The following ZFR variants were observed in gnomAD, a reference collection of about 807,000 sequenced individuals.
The protein encoded by ZFR is zinc finger RNA binding protein, also known as zinc finger RNA-binding protein.
ZFR carries 19 observed loss-of-function variants against 130.7 expected under a neutral mutation model. The ratio of observed to expected loss-of-function variants is 0.15; its 90% CI spans 0.10 to 0.21. ZFR has a LOEUF of 0.21. ZFR is among the 10% of genes least tolerant of loss of function. ZFR has a pLI of 1.00. For missense variants in ZFR, 872 were observed against 1,321.5 expected, an observed-to-expected ratio of 0.66 and a Z score of 5.27; for synonymous variants, 466 against 456.9, an observed-to-expected ratio of 1.02 and a Z score of -0.25.
intron 8 of ZFR, among the ~76,000 whole-genome samples, chr5:32,401,481 GACGTTTA>G (rs1347145814): frequency 1.3e-5 from 2 of 152,140 alleles, no homozygotes; most frequent in Non-Finnish European, 2.9e-5. Flanking sequence ...AGAAAAGAAT[GACGTTTA>G]AAAAGAAAAA....
chr5:32,438,022 A>G (rs751590025), intron 2 of ZFR, among the ~76,000 whole-genome samples: 17 of 152,088 alleles, frequency 1.1e-4, no homozygotes, highest in Admixed American at 3.3e-4. Flanking sequence ...TATATAGGAG[A>G]TAATAATTTG....
At chr5:32,390,935 G>T (rs1002819377) in intron 11 of ZFR, among the ~76,000 whole-genome samples, 21 of 152,186 alleles carry the variant, frequency 1.4e-4, no homozygotes, top group African/African-American at 4.8e-4. Flanking sequence ...TTATGGTAAA[G>T]AACTTGTCCT....
At chr5:32,394,643 T>C (rs1753257762) in intron 11 of ZFR, among the ~76,000 whole-genome samples, 1 of 152,208 alleles carries the variant, frequency 6.6e-6, no homozygotes, top group Non-Finnish European at 1.5e-5. Flanking sequence ...TCTAAATTGA[T>C]TGTGGTGATT....
intron 3 of ZFR, among the ~76,000 whole-genome samples, chr5:32,419,212 CTT>C (rs1162814618): frequency 1.3e-5 from 2 of 152,100 alleles, no homozygotes; most frequent in African/African-American, 2.4e-5. Context: ...AACAAACAAA[CTT>C]GGGGTAAACA....
At chr5:32,419,181 T>C (rs1753898933) in intron 3 of ZFR, among the ~76,000 whole-genome samples, 1 of 152,240 alleles carries the variant, frequency 6.6e-6, no homozygotes, top group Non-Finnish European at 1.5e-5. Flanking sequence ...CTTTTCTATG[T>C]CTTCAGTTAA....
chr5:32,417,314 A>C (rs769706792), intron 4 of ZFR, among the ~76,000 whole-genome samples: 36 of 152,182 alleles, frequency 2.4e-4, no homozygotes, highest in Non-Finnish European at 4.0e-4. Context: ...TCCACTGGTT[A>C]CAAAGGCTGT....
intron 2 of ZFR, among the ~76,000 whole-genome samples, chr5:32,433,206 C>T (rs1026769571): frequency 2.0e-5 from 3 of 152,082 alleles, no homozygotes; most frequent in South Asian, 4.1e-4. Context: ...TTCCCATCTG[C>T]GTCCACTGGA....
intron 11 of ZFR, among the ~76,000 whole-genome samples, chr5:32,391,525 CTTT>C (rs34370191): frequency 1.1e-3 from 142 of 134,124 alleles, no homozygotes; most frequent in Non-Finnish European, 1.1e-3. Flanking sequence ...GAAATCTACT[CTTT>C]TTTTTTTTTT....
At chr5:32,401,484 G>A (rs539503527) in intron 8 of ZFR, among the ~76,000 whole-genome samples, 4 of 152,072 alleles carry the variant, frequency 2.6e-5, no homozygotes, top group Non-Finnish European at 5.9e-5. Flanking sequence ...AAAGAATGAC[G>A]TTTAAAAAGA....
At chr5:32,369,407 T>C (rs1752611615) in intron 17 of ZFR, among the ~76,000 whole-genome samples, 1 of 152,114 alleles carries the variant, frequency 6.6e-6, no homozygotes, top group Non-Finnish European at 1.5e-5. Flanking sequence ...AACTGTTATT[T>C]GGGCAGGAAG....
At position 32,390,356 on chromosome 5, in the gene ZFR, T is replaced by G; in HGVS notation, c.2061A>C (p.Gly687=). The change falls in exon 12 of 20, where the codon GGA becomes GGC. Residue 687 remains glycine (G), a synonymous_variant. Coordinates refer to ENST00000265069, the MANE Select transcript of ZFR (RefSeq NM_016107.5). ...HWDDRRRMPD[G]GYPHGPPGPL... is the part of the protein sequence containing the mutation. ...GGCCTGGAGGACCATGAGGATAACC[T>G]CCATCTGGCATTCGGCGGCGATCAT... 1.2e-6 allele frequency: 2 copies of G among 1,614,056 alleles called. No homozygotes were observed.
At chr5:32,360,086 T>G (rs1317038690) in intron 19 of ZFR, among the ~76,000 whole-genome samples, 5 of 152,218 alleles carry the variant, frequency 3.3e-5, no homozygotes, top group Non-Finnish European at 7.3e-5. Context: ...CTAGGGGGAC[T>G]TCAGAGACAT....
chr5:32,387,769 C>CA, intron 13 of ZFR, 70 bp from the exon 14 acceptor site: 1 of 1,405,774 alleles, frequency 7.1e-7, no homozygotes, highest in Non-Finnish European at 9.5e-7. Context: ...TGTAAACATA[C>CA]AATAGTAAGT....
intron 5 of ZFR, among the ~76,000 whole-genome samples, chr5:32,407,688 A>G (rs1452181489): frequency 6.6e-6 from 1 of 152,194 alleles, no homozygotes; most frequent in Non-Finnish European, 1.5e-5. Flanking sequence ...TTTAGGAATT[A>G]GGGACCAATA....
intron 19 of ZFR, among the ~76,000 whole-genome samples, chr5:32,359,195 T>C (rs543153214): frequency 6.6e-6 from 1 of 151,832 alleles, no homozygotes; most frequent in African/African-American, 2.4e-5. Context: ...AACAAAAAAA[T>C]AAAACCAAAA....
At chr5:32,392,374 T>C (rs1177754789) in intron 11 of ZFR, among the ~76,000 whole-genome samples, 1 of 152,084 alleles carries the variant, frequency 6.6e-6, no homozygotes, top group Admixed American at 6.6e-5. Context: ...AGAAACTTCA[T>C]AAAGGACATA....
chr5:32,400,956 C>T (rs1753436059), intron 8 of ZFR, among the ~76,000 whole-genome samples: 2 of 152,076 alleles, frequency 1.3e-5, no homozygotes, highest in South Asian at 4.1e-4. Context: ...ACAAAGTTTC[C>T]CACCAGGGAA....
chr5:32,380,038 T>C (rs1319555514), intron 16 of ZFR, 37 bp downstream of exon 16: 1 of 1,573,198 alleles, frequency 6.4e-7, no homozygotes, highest in Admixed American at 1.7e-5. Flanking sequence ...ACTTCTCTCA[T>C]AAGGCTACAA....
chr5:32,380,521 GT>G, intron 15 of ZFR: 2 of 174,082 alleles, frequency 1.1e-5, no homozygotes, highest in East Asian at 2.8e-4. Context: ...AAACTACTGA[GT>G]TTGTTCAGTA....
Sources: gnomAD v4.1 joint callset for allele counts (sites outside exome capture counted in the v4.1 genomes callset) on GRCh38, gnomAD v4.1.1 for gene constraint, MANE v1.5 for transcripts, NCBI Gene and HGNC (gene_info 2026-07-23, HGNC 2026-07-21) for gene names.